Variants in PSIP1 observed in about 807,000 individuals in gnomAD.
The protein encoded by PSIP1 is PC4 and SRSF1 interacting protein 1.
Under a neutral mutation model 74.7 loss-of-function variants are expected in PSIP1, and 19 were observed. The ratio of observed to expected loss-of-function variants is 0.25; its 90% CI spans 0.18 to 0.37. PSIP1 has a LOEUF of 0.37. Among genes scored for constraint, PSIP1 ranks in the 10% least tolerant of loss-of-function variants. PSIP1 has a pLI of 1.00. For missense variants in PSIP1, 601 were observed against 614.3 expected (o/e 0.98, Z 0.23); for synonymous variants, 222 against 195.3 (o/e 1.14, Z -1.14).
chr9:15,505,411 CTT>C (rs1270602619), intron 3 of PSIP1: 1 of 152,194 alleles, frequency 6.6e-6, no homozygotes, highest in Admixed American at 6.5e-5. Context: ...GAATCAGAAA[CTT>C]ATCACTTCTT....
Position 15,510,248 on chromosome 9 carries a change from CG to C in PSIP1, c.-61del. 2 of 1,526,810 alleles carry C rather than the reference CG, an allele frequency of 1.3e-6. No homozygotes were observed. Among genetic ancestry groups the C allele is most frequent in the African/African-American group, 1.4e-5 (1 of 70,346 alleles). 94.6% of individuals were successfully genotyped at this position (1,526,810 alleles called of 1,614,324 possible). A position where few individuals can be genotyped will look rare whatever the true frequency, so the allele number is the denominator to read the frequency against. On this transcript the variant is annotated 5_prime_UTR_variant, in exon 2 of 16. Transcript: ENST00000380733. The stretch of plus-strand genomic sequence containing the variant: ...GAGGCGGCGAGGAGATGCGGCGGCG[CG>C]GGGATGCGGGCGGCGGACGCGGGCC...
At chr9:15,468,899 A>G (rs1563865044) in intron 13 of PSIP1, 56 bp from the exon 14 acceptor site, 3 of 1,603,938 alleles carry the variant, frequency 1.9e-6, no homozygotes, top group East Asian at 2.2e-5. Flanking sequence ...TTTTTAAACA[A>G]TTTTTAAATG....
intron 4 of PSIP1, among the ~76,000 whole-genome samples, chr9:15,487,537 A>G (rs923898675): frequency 3.3e-5 from 5 of 152,132 alleles, no homozygotes; most frequent in Non-Finnish European, 7.4e-5. Context: ...CAGAGGTTGC[A>G]GCGAGACAAG....
rs1405337580 is a variant in PSIP1 at position 15,486,909 on chromosome 9, G to A, written c.311C>T (p.Ala104Val). ...SQQAATKQSN[A>V]SSDVEVEEKE... ...TTCTTCAACTTCAACATCAGATGAT[G>A]CATTTGATTGTTTAGTTGCTGCCTG... Residue 104 changes from alanine to valine, a missense_variant, in exon 5 of 16, where the codon GCA (alanine) becomes GTA (valine). This residue lies in a region of PSIP1 where 538 missense variants were observed against 507.6 expected (regional missense o/e 1.06). Transcript: ENST00000380733. The A allele has an allele frequency of 6.2e-7, 1 of 1,609,892 alleles. No individual in the cohort carries two copies.
intron 3 of PSIP1, among the ~76,000 whole-genome samples, chr9:15,490,683 A>C (rs1323680431): frequency 9.5e-5 from 7 of 73,330 alleles, no homozygotes; most frequent in Admixed American, 5.9e-4. Flanking sequence ...ACTCTGTCTC[A>C]AAAAAAAAAA....
chr9:15,506,427 T>C (rs1427162564), intron 3 of PSIP1, 134 bp downstream of exon 3: 1 of 590,350 alleles, frequency 1.7e-6, no homozygotes, highest in South Asian at 2.9e-5. Flanking sequence ...AAATAGAGAC[T>C]TAAAGACTCT....
chr9:15,477,442 AC>A (rs1421805873), intron 8 of PSIP1, among the ~76,000 whole-genome samples: 5 of 152,014 alleles, frequency 3.3e-5, no homozygotes, highest in African/African-American at 1.2e-4. Context: ...TGGCAGTGAA[AC>A]TCTTTAAACA....
intron 2 of PSIP1, among the ~76,000 whole-genome samples, chr9:15,507,969 T>A (rs2037677096): frequency 6.6e-6 from 1 of 152,218 alleles, no homozygotes; most frequent in South Asian, 2.1e-4. Context: ...ATTGCAAAAA[T>A]CCTTAATCCC....
rs2035540662 is a variant in PSIP1 at position 15,465,290 on chromosome 9, T to C, written c.*230A>G. 2.2e-6 allele frequency: 1 copy of C among 444,780 alleles called. No homozygotes were observed. The highest frequency in any genetic ancestry group is 4.3e-5 in the Admixed American group (1 of 23,402). The allele number at this position is 444,780 out of a possible 1,614,324, so 27.6% of individuals were successfully genotyped here. On this transcript the variant is annotated 3_prime_UTR_variant, in exon 16 of 16. Coordinates refer to ENST00000380733, the MANE Select transcript of PSIP1 (RefSeq NM_033222.5). The stretch of plus-strand genomic sequence containing the variant: ...CATGTCTGGAAAAGCAGTTTAACAT[T>C]TTCTAAATGGATTTTATCCCACATT...
At chr9:15,471,525 CCAA>C (rs1296810551) in intron 10 of PSIP1, 2 of 976,220 alleles carry the variant, frequency 2.0e-6, no homozygotes, top group African/African-American at 3.5e-5. Context: ...AACAAACAGT[CCAA>C]CAGCTTTTCA....
At chr9:15,470,635 G>GT (rs1053478541) in intron 10 of PSIP1, 7,402 of 856,080 alleles carry the variant, frequency 8.6e-3, no homozygotes, top group Non-Finnish European at 9.2e-3. Context: ...TAAAAATCAG[G>GT]TTTTTTTTTT....
intron 6 of PSIP1, among the ~76,000 whole-genome samples, chr9:15,480,838 G>A (rs763386227): frequency 4.6e-5 from 7 of 152,102 alleles, no homozygotes; most frequent in Non-Finnish European, 7.4e-5. Flanking sequence ...GAGAATTGCT[G>A]GAACTCAGGG....
Position 15,464,483 on chromosome 9 carries a change from C to G in PSIP1, c.*1037G>C. The G allele has an allele frequency of 5.0e-6, 1 of 200,558 alleles. No individual in the cohort carries two copies. The highest frequency in any genetic ancestry group is 1.0e-5 in the Non-Finnish European group (1 of 97,554). The allele number at this position is 200,558 out of a possible 1,614,324, so 12.4% of individuals were successfully genotyped here. A position where few individuals can be genotyped will look rare whatever the true frequency, so the allele number is the denominator to read the frequency against. ...TTTTACCCTGGATTTAGTCCATACA[C>G]GTCAATGTACAGACTTATCAAAGTA... On this transcript the variant is annotated 3_prime_UTR_variant, in exon 16 of 16. Transcript: ENST00000380733.
At chr9:15,478,853 T>C (rs2036212672) in intron 7 of PSIP1, among the ~76,000 whole-genome samples, 1 of 152,076 alleles carries the variant, frequency 6.6e-6, no homozygotes, top group African/African-American at 2.4e-5. Flanking sequence ...ACTTTTAGAA[T>C]AGGAAACAGC....
intron 2 of PSIP1, 101 bp downstream of exon 2, chr9:15,510,016 G>A (rs544489120): frequency 2.5e-6 from 3 of 1,195,248 alleles, no homozygotes; most frequent in Non-Finnish European, 3.5e-6. Context: ...ACTAAAGCGA[G>A]GGAGAGAAAG....
chr9:15,506,081 G>A (rs1051886956), intron 3 of PSIP1: 1 of 152,422 alleles, frequency 6.6e-6, no homozygotes, highest in Non-Finnish European at 1.5e-5. Context: ...CTTCACATCA[G>A]TTCTCTGCCC....
At position 15,487,250 on chromosome 9, in the gene PSIP1, G is replaced by A. The variant is rs112663658; in HGVS notation, c.289-319C>T. 9.3e-4 allele frequency among the ~76,000 whole-genome samples: 142 copies of A among 151,936 alleles called. 2 individuals are homozygous for A. The highest frequency in any genetic ancestry group is 4.6e-4 in the Admixed American group (7 of 15,264). The stretch of plus-strand genomic sequence containing the variant: ...TGGTGACAAGGCTTGGCAATTTGGA[G>A]GATAAAAAAGACCATAAAGGTGCAA... On this transcript the variant is annotated intron_variant, in intron 4 of 15. Coordinates refer to ENST00000380733, the MANE Select transcript of PSIP1 (RefSeq NM_033222.5).
At chr9:15,493,648 G>A (rs1004264254) in intron 3 of PSIP1, among the ~76,000 whole-genome samples, 17 of 152,192 alleles carry the variant, frequency 1.1e-4, no homozygotes, top group African/African-American at 4.1e-4. Context: ...CATGGCTGGG[G>A]AGGCCTCAGG....
At chr9:15,482,829 C>G (rs2036393850) in intron 6 of PSIP1, among the ~76,000 whole-genome samples, 1 of 152,180 alleles carries the variant, frequency 6.6e-6, no homozygotes, top group African/African-American at 2.4e-5. Context: ...AACATTTATT[C>G]TCTAACCCCT....
Sources: gnomAD v4.1 joint callset for allele counts (sites outside exome capture counted in the v4.1 genomes callset) on GRCh38, gnomAD v4.1.1 for gene constraint, gnomAD v4.1.1 regional missense constraint, MANE v1.5 for transcripts, NCBI Gene and HGNC (gene_info 2026-07-23, HGNC 2026-07-21) for gene names.